Variants in COMMD1 observed in about 807,000 individuals in gnomAD.
COMMD1 encodes the protein COMM domain-containing protein 1.
A neutral mutation model predicts 17.2 loss-of-function variants in COMMD1; 10 were observed. The observed-to-expected ratio is 0.58, with a 90% CI of 0.36 to 0.99. The LOEUF is 0.99. Ranked by LOEUF, COMMD1 falls within the 50% of genes least tolerant of loss-of-function variation. COMMD1 has a pLI of 0.01. For missense variants in COMMD1, 270 were observed against 231.8 expected, an observed-to-expected ratio of 1.17 and a Z score of -1.07; for synonymous variants, 97 against 91.6, an observed-to-expected ratio of 1.06 and a Z score of -0.34.
At chr2:62,087,494 C>G (rs1671702408) in intron 2 of COMMD1, among the ~76,000 whole-genome samples, 1 of 152,160 alleles carries the variant, frequency 6.6e-6, no homozygotes, top group East Asian at 1.9e-4. Context: ...GCCTATAATC[C>G]CAGCACTTTG....
intron 2 of COMMD1, among the ~76,000 whole-genome samples, chr2:62,032,256 C>T (rs542590236): frequency 6.6e-6 from 1 of 152,282 alleles, no homozygotes; most frequent in South Asian, 2.1e-4. Flanking sequence ...TGACTCATGA[C>T]CAGGTGTGGT....
rs142450062 is a variant in COMMD1, at chr2:61,967,863, C to T, written c.181-32838C>T. ...TCATAATAATGTTAAACATTTTGCT[C>T]TATTTTAAGAAAATAGGCTGGGTGT... On this transcript the variant is annotated intron_variant, in intron 1 of 2. Coordinates refer to ENST00000311832, the MANE Select transcript of COMMD1 (RefSeq NM_152516.4). 6.5e-3 allele frequency among the ~76,000 whole-genome samples: 997 copies of T among 152,222 alleles called. 13 individuals are homozygous for T. The highest frequency in any genetic ancestry group is 0.023 in the African/African-American group (935 of 41,530).
intron 2 of COMMD1, among the ~76,000 whole-genome samples, chr2:62,089,985 A>G (rs1671777142): frequency 2.0e-5 from 3 of 152,136 alleles, no homozygotes; most frequent in South Asian, 4.1e-4. Context: ...TGGTAGCAGT[A>G]GTTTTAAATA....
At chr2:61,965,231 T>C (rs898715005) in intron 1 of COMMD1, among the ~76,000 whole-genome samples, 1 of 152,220 alleles carries the variant, frequency 6.6e-6, no homozygotes, top group African/African-American at 2.4e-5. Context: ...ATTTTGAAAT[T>C]ACTGTGATCA....
At chr2:61,990,187 A>G (rs577398737) in intron 1 of COMMD1, among the ~76,000 whole-genome samples, 1 of 152,318 alleles carries the variant, frequency 6.6e-6, no homozygotes, top group Admixed American at 6.5e-5. Context: ...GGAAGAACAA[A>G]TGATTGGAAG....
intron 2 of COMMD1, among the ~76,000 whole-genome samples, chr2:62,018,073 T>C (rs1005420973): frequency 6.6e-6 from 1 of 151,924 alleles, no homozygotes; most frequent in Non-Finnish European, 1.5e-5. Context: ...TCTGACTTTA[T>C]GTGGAGGTAA....
At chr2:62,006,346 T>G (rs1035703677) in intron 2 of COMMD1, among the ~76,000 whole-genome samples, 11 of 150,352 alleles carry the variant, frequency 7.3e-5, no homozygotes, top group African/African-American at 2.7e-4. Flanking sequence ...TAAAGTATAA[T>G]AATAATTAAA....
chr2:61,990,904 A>ACACACACC (rs1672233638), intron 1 of COMMD1, among the ~76,000 whole-genome samples: 1 of 15,182 alleles, frequency 6.6e-5, no homozygotes, highest in Non-Finnish European at 1.3e-4. Context: ...ATATATATAT[A>ACACACACC]CACACACACA....
chr2:62,064,763 A>G (rs553422858), intron 2 of COMMD1, among the ~76,000 whole-genome samples: 1 of 152,162 alleles, frequency 6.6e-6, no homozygotes, highest in South Asian at 2.1e-4. Context: ...CAAAAGAGGT[A>G]TTTATTTATC....
chr2:62,067,469 G>C (rs1403622106), intron 2 of COMMD1, among the ~76,000 whole-genome samples: 1 of 152,130 alleles, frequency 6.6e-6, no homozygotes, highest in Non-Finnish European at 1.5e-5. Flanking sequence ...TCAAGTTAAA[G>C]GGGAGAAAAA....
At chr2:61,899,471 G>A (rs920241736) in intron 1 of COMMD1, among the ~76,000 whole-genome samples, 1 of 152,014 alleles carries the variant, frequency 6.6e-6, no homozygotes, top group Non-Finnish European at 1.5e-5. Context: ...GGGCTTCCAT[G>A]TCATACATTA....
At chr2:62,014,502 T>C (rs1350003506) in intron 2 of COMMD1, among the ~76,000 whole-genome samples, 5 of 143,254 alleles carry the variant, frequency 3.5e-5, no homozygotes, top group East Asian at 2.1e-4. Context: ...AAAAAAAAAA[T>C]TGTGGTAAAA....
chr2:61,983,464 A>G lies in COMMD1; in HGVS notation c.181-17237A>G, dbSNP rs146816052. Among the ~76,000 whole-genome samples, 231 of 152,296 alleles carry G rather than the reference A, an allele frequency of 1.5e-3. 1 individual carries two copies. The highest frequency in any genetic ancestry group is 6.8e-3 in the Middle Eastern group (2 of 294). On this transcript the variant is annotated intron_variant, in intron 1 of 2. Transcript: ENST00000311832. The stretch of plus-strand genomic sequence containing the variant: ...CTCGGCCTCCCAAAGTGCTAGGATT[A>G]CAAGCATGAGCCACTGCTCCCGGCC...
At chr2:62,006,457 A>G (rs1256197591) in intron 2 of COMMD1, among the ~76,000 whole-genome samples, 1 of 152,198 alleles carries the variant, frequency 6.6e-6, no homozygotes, top group Non-Finnish European at 1.5e-5. Flanking sequence ...CCAGAGTAAT[A>G]GAAGGCATTA....
intron 1 of COMMD1, among the ~76,000 whole-genome samples, chr2:61,947,411 G>A (rs538252093): frequency 1.3e-5 from 2 of 152,124 alleles, no homozygotes; most frequent in South Asian, 2.1e-4. Context: ...GGCCAGGCGC[G>A]GTGGCTTATG....
chr2:62,047,758 A>G (rs1670420787), intron 2 of COMMD1, among the ~76,000 whole-genome samples: 1 of 151,992 alleles, frequency 6.6e-6, no homozygotes, highest in South Asian at 2.1e-4. Context: ...TGGCCGGTAA[A>G]TGCCCTTTTA....
chr2:62,076,573 C>T (rs1334623269), intron 2 of COMMD1, among the ~76,000 whole-genome samples: 1 of 152,072 alleles, frequency 6.6e-6, no homozygotes, highest in African/African-American at 2.4e-5. Flanking sequence ...ATGGTGAAAC[C>T]CCGTCGCTAC....
chr2:61,994,159 G>A (rs953641188), intron 1 of COMMD1, among the ~76,000 whole-genome samples: 1 of 151,944 alleles, frequency 6.6e-6, no homozygotes, highest in Non-Finnish European at 1.5e-5. Context: ...GCTAATTTTT[G>A]TATTGTTAGT....
At chr2:61,947,813 A>G (rs1670949419) in intron 1 of COMMD1, among the ~76,000 whole-genome samples, 1 of 148,314 alleles carries the variant, frequency 6.7e-6, no homozygotes, top group Admixed American at 6.8e-5. Flanking sequence ...CAGCCTCCTG[A>G]GGTAGCTGGG....
Sources: gnomAD v4.1 joint callset for allele counts (sites outside exome capture counted in the v4.1 genomes callset) on GRCh38, gnomAD v4.1.1 for gene constraint, MANE v1.5 for transcripts, NCBI Gene and HGNC (gene_info 2026-07-23, HGNC 2026-07-21) for gene names.